Variants in C8B observed in about 807,000 individuals in gnomAD.
C8B encodes complement component C8 beta chain.
In C8B, 67 loss-of-function variants were observed where a neutral mutation model predicts 64.6. The observed-to-expected ratio is 1.04, with a 90% confidence interval of 0.85 to 1.27. C8B has a LOEUF of 1.27. Ranked by LOEUF, C8B falls within the 50% of genes most tolerant of loss-of-function variation. C8B has a pLI of 0.00. For synonymous variants in C8B, 284 were observed against 257.7 expected (o/e 1.10, Z -0.98); for missense variants, 790 against 725.2 (o/e 1.09, Z -1.03).
intron 9 of C8B, among the ~76,000 whole-genome samples, chr1:56,936,547 C>A (rs909691768): frequency 6.9e-6 from 1 of 145,866 alleles, no homozygotes; most frequent in African/African-American, 2.5e-5. Context: ...GTGTTATCAG[C>A]CATTTAGTTA....
intron 1 of C8B, among the ~76,000 whole-genome samples, 185 bp from the exon 2 acceptor site, chr1:56,960,361 A>C (rs866507231): frequency 1.1e-4 from 16 of 152,326 alleles, no homozygotes; most frequent in Admixed American, 1.3e-4. Context: ...TCCAACAATG[A>C]AATATTAATT....
chr1:56,936,212 T>C (rs1239407425), intron 9 of C8B, among the ~76,000 whole-genome samples: 1 of 152,254 alleles, frequency 6.6e-6, no homozygotes, highest in African/African-American at 2.4e-5. Flanking sequence ...ATTTTTAATG[T>C]TCTGAATATA....
intron 1 of C8B, chr1:56,963,900 CA>C (rs1645214527): frequency 1.0e-6 from 1 of 985,202 alleles, no homozygotes; most frequent in Admixed American, 6.2e-5. Flanking sequence ...TAAGTAAGAA[CA>C]AAAAACTCTT....
At chr1:56,956,683 A>G (rs1645107833) in intron 3 of C8B, 86 bp downstream of exon 3, 4 of 1,476,258 alleles carry the variant, frequency 2.7e-6, no homozygotes, top group African/African-American at 2.8e-5. Context: ...CCTGATCTTG[A>G]GCACTGGACA....
chr1:56,929,724 A>T (rs919424876), intron 11 of C8B, among the ~76,000 whole-genome samples, 166 bp from the exon 12 acceptor site: 13 of 152,118 alleles, frequency 8.5e-5, no homozygotes, highest in African/African-American at 3.1e-4. Flanking sequence ...TGCCTACCAC[A>T]GGGCCTTTGC....
Position 56,949,554 on chromosome 1 carries a change from C to T in C8B, c.864+1G>A. On this transcript the variant is annotated splice_donor_variant, in intron 6 of 11. Coordinates refer to ENST00000371237, the MANE Select transcript of C8B (RefSeq NM_000066.4). LOFTEE classifies it high-confidence loss of function. Reference sequence around the variant, plus strand: ...TTTAAAAGCAACAAAGACATACTTACAGTATGAGAGAATCGTTTGGTTCTC... The same window carrying T: ...TTTAAAAGCAACAAAGACATACTTATAGTATGAGAGAATCGTTTGGTTCTC... 1 of 1,608,008 alleles carries T rather than the reference C, an allele frequency of 6.2e-7. No homozygotes were observed. Among genetic ancestry groups the T allele is most frequent in the Non-Finnish European group, 8.5e-7 (1 of 1,174,546 alleles).
At chr1:56,951,520 C>A (rs1645020914) in intron 5 of C8B, among the ~76,000 whole-genome samples, 1 of 152,136 alleles carries the variant, frequency 6.6e-6, no homozygotes, top group Non-Finnish European at 1.5e-5. Context: ...TAGAGCATTT[C>A]ATAAAATGCT....
chr1:56,953,477 A>G (rs968703656), intron 4 of C8B, among the ~76,000 whole-genome samples: 2 of 152,204 alleles, frequency 1.3e-5, no homozygotes, highest in African/African-American at 4.8e-5. Flanking sequence ...CCCATTTTGC[A>G]GATGAGAAAC....
At chr1:56,938,583 G>A (rs532217072) in intron 9 of C8B, among the ~76,000 whole-genome samples, 76 of 152,150 alleles carry the variant, frequency 5.0e-4, no homozygotes, top group African/African-American at 1.5e-3. Flanking sequence ...GTTCATTGCT[G>A]TCTCTTAAGT....
intron 4 of C8B, among the ~76,000 whole-genome samples, chr1:56,952,632 G>T (rs1330930956): frequency 6.6e-6 from 1 of 152,162 alleles, no homozygotes; most frequent in African/African-American, 2.4e-5. Context: ...TACTACAGTT[G>T]CCTTGCGAGA....
chr1:56,943,680 A>G lies in C8B; in HGVS notation c.1234+16T>C. On this transcript the variant is annotated intron_variant, in intron 8 of 11. Transcript: ENST00000371237. ...AAACATTATAAGTGTGGAAGTCACA[A>G]GCCCCTGTCACTCACCTTTTATTTC... The G allele has an allele frequency of 6.2e-7, 1 of 1,613,956 alleles. No homozygotes were observed. The highest frequency in any genetic ancestry group is 1.1e-5 in the South Asian group (1 of 91,072).
chr1:56,931,547 G>T, intron 11 of C8B: 1 of 415,604 alleles, frequency 2.4e-6, no homozygotes, highest in Admixed American at 3.3e-5. Context: ...ATTCCAGAAT[G>T]ATCCAAAGAG....
chr1:56,963,907 C>A, intron 1 of C8B: 3 of 985,384 alleles, frequency 3.0e-6, no homozygotes, highest in Non-Finnish European at 3.6e-6. Flanking sequence ...GAACAAAAAA[C>A]TCTTTTGGCC....
At chr1:56,964,383 G>T (rs1192600745) in intron 1 of C8B, among the ~76,000 whole-genome samples, 2 of 152,098 alleles carry the variant, frequency 1.3e-5, no homozygotes, top group African/African-American at 2.4e-5. Flanking sequence ...ATGACATGAT[G>T]CCTGTTCACT....
Position 56,931,881 on chromosome 1 carries a change from GA to G in C8B, c.1553-4del. On this transcript the variant is annotated splice_region_variant and splice_polypyrimidine_tract_variant and intron_variant, in intron 10 of 11. Transcript: ENST00000371237. ...ACAGATGCAGTCACAGCGTGATCCT[GA>G]GAAGACAAGGCAGAGAAAGTGTGAA... 1 of 1,610,588 alleles carries G rather than the reference GA, an allele frequency of 6.2e-7. No homozygotes were observed. The highest frequency in any genetic ancestry group is 8.5e-7 in the Non-Finnish European group (1 of 1,177,750).
At chr1:56,936,935 C>T (rs1396506217) in intron 9 of C8B, among the ~76,000 whole-genome samples, 1 of 152,118 alleles carries the variant, frequency 6.6e-6, no homozygotes, top group Non-Finnish European at 1.5e-5. Context: ...TGCAGGTGAG[C>T]TTTGTCAATC....
chr1:56,963,202 T>C (rs908132540), intron 1 of C8B, among the ~76,000 whole-genome samples: 5 of 152,108 alleles, frequency 3.3e-5, no homozygotes, highest in Non-Finnish European at 7.4e-5. Context: ...TCCCACTCTT[T>C]TCCTAACAGG....
chr1:56,942,585 GTCCCA>G (rs1644879762), intron 8 of C8B, among the ~76,000 whole-genome samples: 1 of 151,940 alleles, frequency 6.6e-6, no homozygotes, highest in Non-Finnish European at 1.5e-5. Flanking sequence ...CATGCCTGTA[GTCCCA>G]GCTTTTGGGA....
At position 56,956,798 on chromosome 1, in the gene C8B, C is replaced by A. The variant is rs747647469; in HGVS notation, c.362G>T (p.Arg121Leu). 3.7e-6 allele frequency: 6 copies of A among 1,614,028 alleles called. No individual in the cohort carries two copies. Among genetic ancestry groups the A allele is most frequent in the Non-Finnish European group, 5.1e-6 (6 of 1,179,982 alleles). ...CTGTGCACACACAAAGCCTTCACAT[C>A]GCACTTGACTTCCGCATGGTCTGTT... is the stretch of plus-strand genomic sequence containing the variant. ...VTNRPCGSQVRCEGFVCAQTG... is the reference protein window; with the variant it reads ...VTNRPCGSQVLCEGFVCAQTG... Residue 121 changes from arginine to leucine, a missense_variant, in exon 3 of 12, where the codon CGA (arginine) becomes CTA (leucine). Coordinates refer to ENST00000371237, the MANE Select transcript of C8B (RefSeq NM_000066.4).
Sources: gnomAD v4.1 joint callset for allele counts (sites outside exome capture counted in the v4.1 genomes callset) on GRCh38, gnomAD v4.1.1 for gene constraint, MANE v1.5 for transcripts, NCBI Gene and HGNC (gene_info 2026-07-23, HGNC 2026-07-21) for gene names.